Variants in TSHZ2 observed in about 807,000 individuals in gnomAD.
TSHZ2 encodes teashirt zinc finger homeobox 2.
TSHZ2 carries 21 observed loss-of-function variants against 74.4 expected under a neutral mutation model. That is an observed-to-expected ratio of 0.28 (90% CI 0.20 to 0.41). The LOEUF (loss-of-function observed/expected upper bound fraction) is 0.41, where lower values mean the gene tolerates loss of function less well. Among genes scored for constraint, TSHZ2 ranks in the 10% least tolerant of loss-of-function variants. TSHZ2 has a pLI of 1.00. For missense variants in TSHZ2, 1,244 were observed against 1,293.5 expected (o/e 0.96, Z 0.59); for synonymous variants, 540 against 515.3 (o/e 1.05, Z -0.65).
chr20:53,361,819 A>C (rs1981063309), intron 2 of TSHZ2, among the ~76,000 whole-genome samples: 1 of 152,218 alleles, frequency 6.6e-6, no homozygotes. Flanking sequence ...CATGCAGGTG[A>C]AACATTGGTT....
intron 1 of TSHZ2, among the ~76,000 whole-genome samples, chr20:53,225,524 G>A (rs886685105): frequency 3.3e-5 from 5 of 152,198 alleles, no homozygotes; most frequent in South Asian, 4.1e-4. Flanking sequence ...GGGAATGTTC[G>A]TATTGATGCA....
In TSHZ2 at chr20:53,475,755, C is replaced by T. The variant is rs1165730338; in HGVS notation, c.*9-11389C>T. Among the ~76,000 whole-genome samples the T allele has an allele frequency of 8.5e-5, 12 of 140,804 alleles. 1 individual carries two copies. In the East Asian group the frequency reaches 2.4e-3, roughly 29 times the overall value. 92.4% of individuals were successfully genotyped at this position (140,804 alleles called of 152,430 possible). On this transcript the variant is annotated intron_variant, in intron 2 of 2. Coordinates refer to ENST00000371497, the MANE Select transcript of TSHZ2 (RefSeq NM_173485.6). ...TGAAAGGATCAACAAAATTGATAGACCACTAGCAAGACTAATAAAGAAGAA... is the reference window on the plus strand; with the variant it reads ...TGAAAGGATCAACAAAATTGATAGATCACTAGCAAGACTAATAAAGAAGAA...
chr20:53,262,537 G>C (rs984643207), intron 2 of TSHZ2, among the ~76,000 whole-genome samples: 3 of 152,212 alleles, frequency 2.0e-5, no homozygotes, highest in Non-Finnish European at 2.9e-5. Flanking sequence ...CGAGGAACTT[G>C]ATTTGTCTGG....
At chr20:53,096,245 G>A (rs1986041449) in intron 1 of TSHZ2, among the ~76,000 whole-genome samples, 1 of 152,184 alleles carries the variant, frequency 6.6e-6, no homozygotes. Flanking sequence ...GGATTCAAGT[G>A]ATTCTCTTGT....
At chr20:53,123,199 T>C (rs1031038744) in intron 1 of TSHZ2, among the ~76,000 whole-genome samples, 2 of 152,202 alleles carry the variant, frequency 1.3e-5, no homozygotes, top group Non-Finnish European at 2.9e-5. Context: ...AATATTCTCA[T>C]CCGTGTCAGT....
At chr20:53,472,750 T>A (rs1221199798) in intron 2 of TSHZ2, among the ~76,000 whole-genome samples, 1 of 150,948 alleles carries the variant, frequency 6.6e-6, no homozygotes, top group African/African-American at 2.4e-5. Flanking sequence ...AGGTACCAGG[T>A]TCATCTCACT....
At chr20:53,154,584 C>T (rs1248445245) in intron 1 of TSHZ2, among the ~76,000 whole-genome samples, 1 of 152,086 alleles carries the variant, frequency 6.6e-6, no homozygotes, top group African/African-American at 2.4e-5. Flanking sequence ...TGAAGTTCAT[C>T]AATACTTTTC....
At chr20:52,990,221 A>C (rs1981928681) in intron 1 of TSHZ2, among the ~76,000 whole-genome samples, 1 of 152,178 alleles carries the variant, frequency 6.6e-6, no homozygotes, top group African/African-American at 2.4e-5. Context: ...AACATTATTG[A>C]AACAGCTAAT....
intron 1 of TSHZ2, among the ~76,000 whole-genome samples, chr20:53,222,220 C>T (rs1257539619): frequency 6.6e-6 from 1 of 151,926 alleles, no homozygotes; most frequent in African/African-American, 2.4e-5. Context: ...CCTCTTCTGA[C>T]AAATGACTTT....
At chr20:53,359,002 C>A (rs975468450) in intron 2 of TSHZ2, among the ~76,000 whole-genome samples, 1 of 152,064 alleles carries the variant, frequency 6.6e-6, no homozygotes, top group Admixed American at 6.5e-5. Flanking sequence ...TAATATGAAC[C>A]AGTCTTTTTC....
At chr20:53,036,683 A>AT (rs1568730115) in intron 1 of TSHZ2, among the ~76,000 whole-genome samples, 1 of 147,688 alleles carries the variant, frequency 6.8e-6, no homozygotes, top group African/African-American at 2.5e-5. Context: ...TGTACATAAT[A>AT]TGTGTATGTA....
At chr20:53,020,416 C>T (rs990278243) in intron 1 of TSHZ2, among the ~76,000 whole-genome samples, 1 of 152,160 alleles carries the variant, frequency 6.6e-6, no homozygotes. Context: ...CGAAAACAGC[C>T]ATGTAGAGCC....
chr20:53,058,099 A>T (rs1314855677), intron 1 of TSHZ2, among the ~76,000 whole-genome samples: 1 of 152,160 alleles, frequency 6.6e-6, no homozygotes, highest in Non-Finnish European at 1.5e-5. Context: ...TCACACGTGC[A>T]GTTCACAATA....
chr20:53,478,745 G>A (rs13036604), intron 2 of TSHZ2, among the ~76,000 whole-genome samples: 30,615 of 151,684 alleles, frequency 0.2, 3,274 homozygotes, highest in East Asian at 0.29. Context: ...GAGGTCCTCC[G>A]CCTTTGCAGA....
intron 2 of TSHZ2, among the ~76,000 whole-genome samples, chr20:53,339,621 A>G (rs1156728535): frequency 6.6e-6 from 1 of 152,152 alleles, no homozygotes; most frequent in African/African-American, 2.4e-5. Context: ...GGCAAAGTGC[A>G]TGAAGCCAAG....
In TSHZ2 at chr20:53,253,870, T is replaced by C; in HGVS notation, c.412T>C (p.Trp138Arg). 1 of 1,614,220 alleles carries C rather than the reference T, an allele frequency of 6.2e-7. No individual in the cohort carries two copies. Among genetic ancestry groups the C allele is most frequent in the Non-Finnish European group, 8.5e-7 (1 of 1,180,044 alleles). The change falls in exon 2 of 3, where the codon TGG becomes CGG. Residue 138 changes from tryptophan (W) to arginine (R), a missense_variant. Trp to Arg is a moderately radical substitution (Grantham distance 101). Transcript: ENST00000371497. ...CGCCAACATCCTGTCGGATTCCTAC[T>C]GGTCAGGCCTGGGCCTTGGCTTCAA... ...VYANILSDSY[W>R]SGLGLGFKLS...
chr20:53,261,181 A>G (rs752036323), intron 2 of TSHZ2, among the ~76,000 whole-genome samples: 1 of 152,162 alleles, frequency 6.6e-6, no homozygotes, highest in African/African-American at 2.4e-5. Flanking sequence ...TGTACCTCCA[A>G]CAGCCCAGAG....
At chr20:53,298,135 A>G (rs1235453982) in intron 2 of TSHZ2, among the ~76,000 whole-genome samples, 1 of 152,120 alleles carries the variant, frequency 6.6e-6, no homozygotes, top group East Asian at 1.9e-4. Context: ...TTTTGTTCTA[A>G]TTAGAAAAAC....
intron 2 of TSHZ2, among the ~76,000 whole-genome samples, chr20:53,428,609 A>C (rs916053907): frequency 6.7e-6 from 1 of 150,122 alleles, no homozygotes; most frequent in African/African-American, 2.5e-5. Flanking sequence ...CATTGGCATT[A>C]CACTTTAATT....
Sources: gnomAD v4.1 joint callset for allele counts (sites outside exome capture counted in the v4.1 genomes callset) on GRCh38, gnomAD v4.1.1 for gene constraint, MANE v1.5 for transcripts, NCBI Gene and HGNC (gene_info 2026-07-23, HGNC 2026-07-21) for gene names.